SAG: variants seen among roughly 807,000 people sequenced by gnomAD.
SAG encodes S-antigen visual arrestin, also known as S-arrestin.
In SAG, 45 loss-of-function variants were observed where a neutral mutation model predicts 55.0. The observed-to-expected ratio is 0.82, with a 90% CI of 0.64 to 1.05. The LOEUF is 1.05. SAG is among the 50% of genes least tolerant of loss of function. The pLI, the probability that SAG is intolerant of heterozygous loss-of-function variation, is 0.00. For missense variants in SAG, 455 were observed against 512.1 expected (o/e 0.89, Z 1.08); for synonymous variants, 189 against 197.4 (o/e 0.96, Z 0.36).
chr2:233,321,082 C>T (rs1700367691), intron 5 of SAG, among the ~76,000 whole-genome samples: 3 of 152,188 alleles, frequency 2.0e-5, no homozygotes, highest in Admixed American at 2.0e-4. Flanking sequence ...TACATGAGCA[C>T]GTGTTATTCC....
rs60341933 is a variant in SAG, at chr2:233,340,209, G to A, written c.1023-246G>A. On this transcript the variant is annotated intron_variant, in intron 12 of 15. Transcript: ENST00000409110. This position sits in a 1 kb window ranked among gnomAD's most constrained non-coding sequence, Gnocchi z 4.2. Reference sequence around the variant, plus strand: ...TGACCTCAAGTGATCCGCCCACCTCGGCCTCCCAAAGTGCTGGGATTACAG... The same window carrying A: ...TGACCTCAAGTGATCCGCCCACCTCAGCCTCCCAAAGTGCTGGGATTACAG... Among the ~76,000 whole-genome samples the A allele has an allele frequency of 0.037, 5,586 of 151,668 alleles. 322 individuals are homozygous for A. Among genetic ancestry groups the A allele is most frequent in the African/African-American group, 0.13 (5,310 of 41,348 alleles).
In SAG at chr2:233,329,564, G is replaced by GA; in HGVS notation, c.721dup (p.Ile241AsnfsTer2). On this transcript the variant is annotated frameshift_variant, in exon 9 of 16. Transcript: ENST00000409110. LOFTEE classifies it high-confidence loss of function. ...ATAACACAGAGAAGACCGTGAAGAA[G>GA]ATTAAAGCATTCGGTAGGACCTTCT... 1 of 1,609,864 alleles carries GA rather than the reference G, an allele frequency of 6.2e-7. No homozygotes were observed. Among genetic ancestry groups the GA allele is most frequent in the Non-Finnish European group, 8.5e-7 (1 of 1,176,188 alleles).
intron 6 of SAG, among the ~76,000 whole-genome samples, chr2:233,324,784 T>G (rs1172639029): frequency 6.6e-6 from 1 of 152,106 alleles, no homozygotes; most frequent in Non-Finnish European, 1.5e-5. Context: ...AGAGAGGCAG[T>G]TTCTGTAACT....
At position 233,329,567 on chromosome 2, in the gene SAG, T is replaced by A. The variant is rs1196542095; in HGVS notation, c.723T>A (p.Ile241=). The change falls in exon 9 of 16, where the codon ATT becomes ATA. Residue 241 remains isoleucine (I), a synonymous_variant. Transcript: ENST00000409110. ...ACACAGAGAAGACCGTGAAGAAGAT[T>A]AAAGCATTCGGTAGGACCTTCTTCT... ...TNNTEKTVKK[I]KAFVEQVANV... is the part of the protein sequence containing the mutation. The A allele has an allele frequency of 1.2e-6, 2 of 1,608,174 alleles. No individual in the cohort carries two copies. The highest frequency in any genetic ancestry group is 2.2e-5 in the South Asian group (2 of 90,926).
rs73998355 is a variant in SAG at position 233,318,820 on chromosome 2, G to A, written c.181+25G>A. The A allele has an allele frequency of 6.4e-3, 10,253 of 1,609,306 alleles. 541 individuals carry two copies. The African/African-American group carries it at 0.12, about 18-fold the overall frequency. On this transcript the variant is annotated intron_variant, in intron 4 of 15. Coordinates refer to ENST00000409110, the MANE Select transcript of SAG (RefSeq NM_000541.5). ...GGTGAGATGAAGCCCCTTGTCTCAG[G>A]CTGGTTTCTGGGCGGAGTGGACTGC...
Position 233,340,958 on chromosome 2 carries a change from C to A in SAG, c.1046+480C>A, listed in dbSNP as rs552360932. 1.4e-4 allele frequency among the ~76,000 whole-genome samples: 21 copies of A among 152,006 alleles called. 1 individual carries two copies. The highest frequency in any genetic ancestry group is 1.4e-3 in the Admixed American group (21 of 15,272). On this transcript the variant is annotated intron_variant, in intron 13 of 15. Transcript: ENST00000409110. The surrounding 1 kb of genome is among the most constrained non-coding windows in gnomAD (Gnocchi z 4.2). Reference sequence around the variant, plus strand: ...CCTCCTGAGTAGCTGAGATTACAAGCGTGTGCCACAACACCTGGCTAATTT... The same window carrying A: ...CCTCCTGAGTAGCTGAGATTACAAGAGTGTGCCACAACACCTGGCTAATTT...
chr2:233,346,747 T>TGTTTCAGTTTCA, intron 15 of SAG, 60 bp from the exon 16 acceptor site: 10 of 1,125,362 alleles, frequency 8.9e-6, no homozygotes, highest in Non-Finnish European at 1.3e-5. Context: ...TCAAGGATCT[T>TGTTTCAGTTTCA]GTTTCAGTTT....
chr2:233,335,804 C>T (rs1002911855), intron 11 of SAG, among the ~76,000 whole-genome samples: 4 of 152,378 alleles, frequency 2.6e-5, no homozygotes, highest in Admixed American at 2.6e-4. Flanking sequence ...TTGCGCTTCC[C>T]TTCCCGGGAG....
At chr2:233,333,814 C>T (rs997377270) in intron 10 of SAG, 1 of 152,212 alleles carries the variant, frequency 6.6e-6, no homozygotes, top group African/African-American at 2.4e-5. Context: ...AAGAGAGGTT[C>T]CACCAGGACC....
rs375593027 is a variant in SAG at position 233,327,153 on chromosome 2, C to A, written c.468C>A (p.Phe156Leu). ...GGGTTGACTTTGAGGTCAAAGCATT[C>A]GCCACAGACAGCACCGATGCCGAAG... ...SCGVDFEVKA[F>L]ATDSTDAEED... The change falls in exon 7 of 16, where the codon TTC (phenylalanine) becomes TTA (leucine). Residue 156 changes from phenylalanine to leucine, a missense_variant. Transcript: ENST00000409110. 9.3e-6 allele frequency: 15 copies of A among 1,613,700 alleles called. No individual in the cohort carries two copies. Among genetic ancestry groups the A allele is most frequent in the Non-Finnish European group, 1.2e-5 (14 of 1,179,786 alleles).
rs1019223735 is a variant in SAG, at chr2:233,338,876, T to A, written c.1022+123T>A. 5.0e-6 allele frequency: 4 copies of A among 807,762 alleles called. No individual in the cohort carries two copies. The African/African-American group carries it at 6.7e-5, about 14-fold the overall frequency. 50.0% of individuals were successfully genotyped at this position (807,762 alleles called of 1,614,324 possible). On this transcript the variant is annotated intron_variant, in intron 12 of 15. Coordinates refer to ENST00000409110, the MANE Select transcript of SAG (RefSeq NM_000541.5). ...AAGGCCCATAGCTTCTACCAAGGAT[T>A]ACCAAGTAGAGCTTGGGAGAGATTC... is the stretch of plus-strand genomic sequence containing the variant.
intron 2 of SAG, among the ~76,000 whole-genome samples, chr2:233,310,627 C>T (rs1450713505): frequency 1.3e-5 from 2 of 151,770 alleles, no homozygotes. Context: ...CTGCCTCGGC[C>T]TCCCTAGTAG....
rs749633616 is a variant in SAG, at chr2:233,331,716, A to G, written c.806+4A>G. The G allele has an allele frequency of 2.5e-6, 4 of 1,610,614 alleles. No individual in the cohort carries two copies. Among genetic ancestry groups the G allele is most frequent in the Non-Finnish European group, 3.4e-6 (4 of 1,177,114 alleles). On this transcript the variant is annotated splice_donor_region_variant and intron_variant, in intron 10 of 15. Coordinates refer to ENST00000409110, the MANE Select transcript of SAG (RefSeq NM_000541.5). ...CCGTGGCTATGGAGGAAGCGCAGTG[A>G]GTAGCTGTTGGGGTTTCCGTTTCCT...
chr2:233,309,363 T>C, intron 2 of SAG, 99 bp downstream of exon 2: 3 of 1,134,914 alleles, frequency 2.6e-6, no homozygotes, highest in Non-Finnish European at 3.9e-6. Flanking sequence ...TCAAAACTCT[T>C]TGAGGGCCAG....
chr2:233,308,722 C>T (rs571454843), intron 1 of SAG, among the ~76,000 whole-genome samples: 3 of 152,198 alleles, frequency 2.0e-5, no homozygotes, highest in African/African-American at 4.8e-5. Context: ...CCACAGTGCC[C>T]GGCCATTAAT....
chr2:233,336,237 G>A (rs747689002), intron 11 of SAG, among the ~76,000 whole-genome samples: 2 of 152,130 alleles, frequency 1.3e-5, no homozygotes, highest in South Asian at 2.1e-4. Context: ...CGACTCGGCC[G>A]GCCATGATGG....
chr2:233,315,265 G>A (rs1043110430), intron 2 of SAG, among the ~76,000 whole-genome samples: 1 of 142,060 alleles, frequency 7.0e-6, no homozygotes, highest in African/African-American at 2.6e-5. Flanking sequence ...ACACCTCTTT[G>A]CGTTGTCCAG....
At chr2:233,323,313 C>T (rs1700443318) in intron 6 of SAG, among the ~76,000 whole-genome samples, 1 of 152,150 alleles carries the variant, frequency 6.6e-6, no homozygotes, top group Admixed American at 6.6e-5. Context: ...CCTGCCTTGG[C>T]CTCCCAAAGT....
chr2:233,341,126 T>C (rs1701088460), intron 13 of SAG, among the ~76,000 whole-genome samples: 1 of 152,198 alleles, frequency 6.6e-6, no homozygotes, highest in African/African-American at 2.4e-5. Flanking sequence ...TTTTACCATT[T>C]TAACCGTTTT....
Sources: gnomAD v4.1 joint callset for allele counts (sites outside exome capture counted in the v4.1 genomes callset) on GRCh38, gnomAD v4.1.1 for gene constraint, Gnocchi (gnomAD v3.1) non-coding constraint, MANE v1.5 for transcripts, NCBI Gene and HGNC (gene_info 2026-07-23, HGNC 2026-07-21) for gene names.